The following SOCS5 variants were observed in gnomAD, a reference collection of about 807,000 sequenced individuals.
The protein encoded by SOCS5 is CIS-6.
Under a neutral mutation model 42.8 loss-of-function variants are expected in SOCS5, and 32 were observed. The ratio of observed to expected loss-of-function variants is 0.75; its 90% confidence interval spans 0.56 to 1.01. SOCS5 has a LOEUF of 1.01. SOCS5 is among the 50% of genes least tolerant of loss of function. The pLI, the probability that SOCS5 is intolerant of heterozygous loss-of-function variation, is 0.00. For missense variants in SOCS5, 627 were observed against 653.0 expected (o/e 0.96, Z 0.43); for synonymous variants, 283 against 229.6 (o/e 1.23, Z -2.10).
At chr2:46,746,796 C>T (rs1673509158) in intron 1 of SOCS5, among the ~76,000 whole-genome samples, 1 of 151,782 alleles carries the variant, frequency 6.6e-6, no homozygotes, top group African/African-American at 2.4e-5. Context: ...ATCCTGTGAC[C>T]CTGCTAAACT....
At position 46,721,565 on chromosome 2, in the gene SOCS5, A is replaced by G. The variant is rs796274819; in HGVS notation, c.-13+22116A>G. Among the ~76,000 whole-genome samples the G allele has an allele frequency of 5.9e-5, 9 of 152,326 alleles. 1 individual carries two copies. The highest frequency in any genetic ancestry group is 1.9e-4 in the African/African-American group (8 of 41,590). On this transcript the variant is annotated intron_variant, in intron 1 of 1. Transcript: ENST00000394861. ...TGCTGTTGTCATTTAAAAGGAGCCTAGTGCTTCCACATTAGACTTATATTT... is the reference window on the plus strand; with the variant it reads ...TGCTGTTGTCATTTAAAAGGAGCCTGGTGCTTCCACATTAGACTTATATTT...
chr2:46,746,510 G>A (rs1052982848), intron 1 of SOCS5, among the ~76,000 whole-genome samples: 6 of 151,998 alleles, frequency 3.9e-5, no homozygotes, highest in African/African-American at 1.5e-4. Flanking sequence ...AATTAGCCAG[G>A]CGTGGTGGCG....
At chr2:46,742,542 A>G (rs1334416548) in intron 1 of SOCS5, among the ~76,000 whole-genome samples, 1 of 152,154 alleles carries the variant, frequency 6.6e-6, no homozygotes, top group Non-Finnish European at 1.5e-5. Flanking sequence ...TTTTTGATAT[A>G]CAGAAATCTT....
At chr2:46,737,271 A>G (rs776204636) in intron 1 of SOCS5, among the ~76,000 whole-genome samples, 1 of 152,206 alleles carries the variant, frequency 6.6e-6, no homozygotes, top group Non-Finnish European at 1.5e-5. Flanking sequence ...GACACAGGAC[A>G]GTACAATCTG....
chr2:46,739,343 T>C (rs1049894180), intron 1 of SOCS5, among the ~76,000 whole-genome samples: 3 of 152,178 alleles, frequency 2.0e-5, no homozygotes, highest in Non-Finnish European at 1.5e-5. Context: ...TGAACTATTA[T>C]TGGAGTTTCA....
chr2:46,714,855 C>T lies in SOCS5; in HGVS notation c.-13+15406C>T, dbSNP rs555431616. On this transcript the variant is annotated intron_variant, in intron 1 of 1. Transcript: ENST00000394861. ...TTTGGATGGATTATTTTTTATGATT[C>T]TATTTTATCTTTCCTGTTGGTTTGT... Among the ~76,000 whole-genome samples the T allele has an allele frequency of 1.8e-3, 272 of 151,960 alleles. 2 individuals are homozygous for T. Among genetic ancestry groups the T allele is most frequent in the Admixed American group, 4.0e-3 (61 of 15,260 alleles).
intron 1 of SOCS5, among the ~76,000 whole-genome samples, chr2:46,742,363 T>C (rs1673398434): frequency 9.2e-6 from 1 of 109,120 alleles, no homozygotes; most frequent in South Asian, 3.4e-4. Context: ...CCCACCTTCT[T>C]AGTAGCTGGT....
intron 1 of SOCS5, among the ~76,000 whole-genome samples, chr2:46,744,142 A>C (rs1673447258): frequency 1.3e-5 from 2 of 151,606 alleles, no homozygotes; most frequent in Admixed American, 1.3e-4. Context: ...GGCATGTACC[A>C]CCACACCTGG....
Position 46,758,848 on chromosome 2 carries a change from A to G in SOCS5, c.318A>G (p.Thr106=). Residue 106 remains threonine, a synonymous_variant, in exon 2 of 2, where the codon ACA becomes ACG. Transcript: ENST00000394861. ...ATGATTCTTGTGTTACCCCAGGAAC[A>G]AGACTTGCACGAAGAGATTCCTACT... The part of the protein sequence containing the change: ...KDNDSCVTPG[T]RLARRDSYSR... 1 of 1,614,136 alleles carries G rather than the reference A, an allele frequency of 6.2e-7. No individual in the cohort carries two copies. The highest frequency in any genetic ancestry group is 1.1e-5 in the South Asian group (1 of 91,078).
chr2:46,735,940 A>G lies in SOCS5; in HGVS notation c.-12-22579A>G, dbSNP rs887107762. On this transcript the variant is annotated intron_variant, in intron 1 of 1. Transcript: ENST00000394861. ...ATGATTCTCTGTGTTATACTTTATT[A>G]TTGTAGTAAAATATACAAAACATAA... Among the ~76,000 whole-genome samples, 9 of 152,216 alleles carry G rather than the reference A, an allele frequency of 5.9e-5. No homozygotes were observed. The East Asian group carries it at 1.7e-3, about 30-fold the overall frequency.
In SOCS5 at chr2:46,758,958, G is replaced by A. The variant is rs781554212; in HGVS notation, c.428G>A (p.Gly143Asp). The A allele has an allele frequency of 6.2e-7, 1 of 1,613,958 alleles. No homozygotes were observed. The highest frequency in any genetic ancestry group is 8.5e-7 in the Non-Finnish European group (1 of 1,179,852). Residue 143 changes from glycine to aspartate, a missense_variant, in exon 2 of 2, where the codon GGT becomes GAT. Around this residue, in one of 3 missense-constraint regions of SOCS5, gnomAD observed 278 missense variants for 246.3 expected, o/e 1.13. Coordinates refer to ENST00000394861, the MANE Select transcript of SOCS5 (RefSeq NM_144949.3). The part of the protein sequence containing the change: ...QSSLDADKKF[G>D]RTRSGLQRRE... ...TCATTGGATGCTGATAAAAAGTTTG[G>A]TAGAACTCGAAGTGGACTTCAAAGG...
chr2:46,753,478 A>G (rs969158583), intron 1 of SOCS5, among the ~76,000 whole-genome samples: 4 of 152,236 alleles, frequency 2.6e-5, no homozygotes, highest in Admixed American at 6.5e-5. Context: ...AATTTTAAGA[A>G]TATAACTATG....
At chr2:46,744,849 A>G (rs1673464953) in intron 1 of SOCS5, among the ~76,000 whole-genome samples, 1 of 150,860 alleles carries the variant, frequency 6.6e-6, no homozygotes, top group African/African-American at 2.4e-5. Context: ...TTTTGACCCA[A>G]TTTTATTTTA....
intron 1 of SOCS5, among the ~76,000 whole-genome samples, chr2:46,740,354 T>C (rs1673343083): frequency 6.6e-6 from 1 of 152,188 alleles, no homozygotes; most frequent in South Asian, 2.1e-4. Flanking sequence ...GCCTTACAAT[T>C]GGCTATATTT....
chr2:46,730,472 C>G (rs1056078004), intron 1 of SOCS5, among the ~76,000 whole-genome samples: 4 of 152,092 alleles, frequency 2.6e-5, no homozygotes, highest in Admixed American at 2.6e-4. Flanking sequence ...TGGTGGTGGG[C>G]GCCTGTAATC....
At position 46,733,450 on chromosome 2, in the gene SOCS5, G is replaced by T. The variant is rs544391398; in HGVS notation, c.-12-25069G>T. ...CTAGTTGGGTGTGGGGCCCATGCCT[G>T]TAATTCCAGCACTTTGGGAAACTGA... On this transcript the variant is annotated intron_variant, in intron 1 of 1. Coordinates refer to ENST00000394861, the MANE Select transcript of SOCS5 (RefSeq NM_144949.3). Among the ~76,000 whole-genome samples the T allele has an allele frequency of 3.3e-5, 5 of 152,028 alleles. No homozygotes were observed. The East Asian group carries it at 9.7e-4, about 29-fold the overall frequency.
At position 46,758,639 on chromosome 2, in the gene SOCS5, T is replaced by A; in HGVS notation, c.109T>A (p.Cys37Ser). The A allele has an allele frequency of 6.2e-7, 1 of 1,614,044 alleles. No homozygotes were observed. Among genetic ancestry groups the A allele is most frequent in the Middle Eastern group, 1.7e-4 (1 of 6,058 alleles). The part of the protein sequence containing the change: ...SENVDMNSNR[C>S]LSVKEKNISI... ...AAATGTGGACATGAACTCCAACAGA[T>A]GTTTGTCTGTCAAAGAGAAAAACAT... The change falls in exon 2 of 2, where the codon TGT becomes AGT. Residue 37 changes from cysteine to serine, a missense_variant. Cys to Ser is a moderately radical substitution (Grantham distance 112). This residue lies in a region of SOCS5 where 278 missense variants were observed against 246.3 expected (regional missense o/e 1.13). Transcript: ENST00000394861.
chr2:46,717,741 C>G (rs1282870017), intron 1 of SOCS5, among the ~76,000 whole-genome samples: 1 of 152,044 alleles, frequency 6.6e-6, no homozygotes, highest in Non-Finnish European at 1.5e-5. Flanking sequence ...TAGAGGCATG[C>G]CTTTTCAGAG....
rs139029635 is a variant in SOCS5, at chr2:46,707,481, A to G, written c.-13+8032A>G. On this transcript the variant is annotated intron_variant, in intron 1 of 1. Coordinates refer to ENST00000394861, the MANE Select transcript of SOCS5 (RefSeq NM_144949.3). ...TACTATTTATTGTAGATGATTAGAA[A>G]TGAAAGGACATAGAGTGTTTAAGGA... Among the ~76,000 whole-genome samples the G allele has an allele frequency of 9.7e-4, 148 of 152,354 alleles. 2 individuals are homozygous for G. In the East Asian group the frequency reaches 0.023, roughly 23 times the overall value.
Sources: allele counts gnomAD v4.1 joint callset (sites outside exome capture counted in the v4.1 genomes callset), GRCh38; gene constraint gnomAD v4.1.1; regional missense constraint gnomAD v4.1.1; transcripts MANE v1.5; gene names NCBI Gene and HGNC (gene_info 2026-07-23, HGNC 2026-07-21).